SLC14A2: variants seen among roughly 807,000 people sequenced by gnomAD.
SLC14A2 encodes the protein urea transporter 2.
SLC14A2 carries 91 observed loss-of-function variants against 104.6 expected under a neutral mutation model. That is an observed-to-expected ratio of 0.87 (90% CI 0.73 to 1.04). The LOEUF (loss-of-function observed/expected upper bound fraction) is 1.04. SLC14A2 is among the 50% of genes least tolerant of loss of function. The probability of loss-of-function intolerance (pLI) is 0.00; values close to 1 mark genes in which losing one functional copy is unlikely to be tolerated. For synonymous variants in SLC14A2, 476 were observed against 466.4 expected, an observed-to-expected ratio of 1.02 and a Z score of -0.27; for missense variants, 1,189 against 1,156.0, an observed-to-expected ratio of 1.03 and a Z score of -0.41.
rs539602928 is a variant in SLC14A2 at position 45,593,445 on chromosome 18, G to A, written c.-34-31186G>A. Among the ~76,000 whole-genome samples, 3 of 147,418 alleles carry A rather than the reference G, an allele frequency of 2.0e-5. No individual in the cohort carries two copies. In the South Asian group the frequency reaches 6.5e-4, roughly 32 times the overall value. Reference sequence around the variant, plus strand: ...AATATTAATAATAGTGAAATCCCAAGAATGACATTCTGAGATATGATAACT... The same window carrying A: ...AATATTAATAATAGTGAAATCCCAAAAATGACATTCTGAGATATGATAACT... On this transcript the variant is annotated intron_variant, in intron 2 of 20. Transcript: ENST00000586448.
intron 1 of SLC14A2, among the ~76,000 whole-genome samples, chr18:45,466,221 C>T (rs1396649250): frequency 2.0e-5 from 3 of 151,974 alleles, no homozygotes; most frequent in African/African-American, 7.3e-5. Context: ...TGGACATCCA[C>T]TTTGTGTGAG....
intron 1 of SLC14A2, among the ~76,000 whole-genome samples, chr18:45,290,079 T>C (rs1422311632): frequency 6.6e-6 from 1 of 151,742 alleles, no homozygotes; most frequent in East Asian, 1.9e-4. Context: ...TTCATTGCAC[T>C]GTTTTTTTGT....
At chr18:45,589,084 A>G (rs2044611207) in intron 2 of SLC14A2, among the ~76,000 whole-genome samples, 1 of 152,214 alleles carries the variant, frequency 6.6e-6, no homozygotes, top group East Asian at 1.9e-4. Context: ...GGGAAACCCA[A>G]ACTCCACTCA....
chr18:45,361,145 T>C (rs769837452), intron 1 of SLC14A2, among the ~76,000 whole-genome samples: 9 of 152,188 alleles, frequency 5.9e-5, no homozygotes, highest in African/African-American at 9.7e-5. Flanking sequence ...TGATAGCATT[T>C]TGTGTCCCTC....
chr18:45,546,502 A>G (rs569965577), intron 2 of SLC14A2, among the ~76,000 whole-genome samples: 1 of 152,356 alleles, frequency 6.6e-6, no homozygotes, highest in South Asian at 2.1e-4. Context: ...TGTTTCTAAC[A>G]CAGACCCTAT....
intron 12 of SLC14A2, 23 bp downstream of exon 12, chr18:45,666,242 C>G (rs1234278198): frequency 6.6e-7 from 1 of 1,515,716 alleles, no homozygotes. Flanking sequence ...TGTCCTGAAT[C>G]AGGGACAGCG....
chr18:45,272,847 T>C (rs1456285875), intron 1 of SLC14A2, among the ~76,000 whole-genome samples: 1 of 152,126 alleles, frequency 6.6e-6, no homozygotes, highest in African/African-American at 2.4e-5. Context: ...TGCATGCCTG[T>C]ATCAAAATAT....
At chr18:45,425,129 G>A (rs2086406620) in intron 1 of SLC14A2, among the ~76,000 whole-genome samples, 1 of 152,128 alleles carries the variant, frequency 6.6e-6, no homozygotes, top group African/African-American at 2.4e-5. Flanking sequence ...GATTTTCAAG[G>A]CACGAATAAA....
intron 1 of SLC14A2, among the ~76,000 whole-genome samples, chr18:45,320,951 G>A (rs1280628734): frequency 6.6e-6 from 1 of 152,160 alleles, no homozygotes; most frequent in African/African-American, 2.4e-5. Context: ...CTTGAACCGA[G>A]TGGAAACTAT....
intron 4 of SLC14A2, among the ~76,000 whole-genome samples, chr18:45,631,535 G>A (rs2045346012): frequency 6.6e-6 from 1 of 152,240 alleles, no homozygotes; most frequent in African/African-American, 2.4e-5. Flanking sequence ...CCTCACCAAG[G>A]GGCACCTGGG....
At chr18:45,372,862 A>G (rs969870409) in intron 1 of SLC14A2, among the ~76,000 whole-genome samples, 1 of 152,276 alleles carries the variant, frequency 6.6e-6, no homozygotes, top group Admixed American at 6.5e-5. Flanking sequence ...TAATATGTAT[A>G]TAATGTTATT....
intron 10 of SLC14A2, among the ~76,000 whole-genome samples, chr18:45,644,891 C>T (rs1329820914): frequency 3.3e-5 from 5 of 152,076 alleles, no homozygotes; most frequent in Non-Finnish European, 7.4e-5. Flanking sequence ...GATACATGTG[C>T]AGAACATGCA....
At chr18:45,252,368 T>C (rs2084432184) in intron 1 of SLC14A2, among the ~76,000 whole-genome samples, 1 of 152,228 alleles carries the variant, frequency 6.6e-6, no homozygotes, top group Non-Finnish European at 1.5e-5. Context: ...TTTTTGCATT[T>C]TGCCACCAGC....
intron 2 of SLC14A2, among the ~76,000 whole-genome samples, chr18:45,558,870 A>T (rs1010185060): frequency 5.5e-4 from 83 of 152,182 alleles, no homozygotes; most frequent in African/African-American, 1.9e-3. Flanking sequence ...GGCTCACTGC[A>T]ATCTCCGCCT....
intron 1 of SLC14A2, among the ~76,000 whole-genome samples, chr18:45,304,998 G>A (rs979497099): frequency 6.8e-6 from 1 of 147,610 alleles, no homozygotes; most frequent in African/African-American, 2.5e-5. Context: ...GTGTTGGAGA[G>A]GCAGAAACTA....
chr18:45,583,402 A>AT (rs1466241303), intron 2 of SLC14A2, among the ~76,000 whole-genome samples: 1 of 152,122 alleles, frequency 6.6e-6, no homozygotes, highest in Non-Finnish European at 1.5e-5. Context: ...ACTGGGTTTC[A>AT]TTTTTATCTT....
chr18:45,475,153 A>T (rs1446193031), intron 1 of SLC14A2, among the ~76,000 whole-genome samples: 2 of 152,162 alleles, frequency 1.3e-5, no homozygotes, highest in African/African-American at 4.8e-5. Flanking sequence ...TTCATTCAGG[A>T]GCAGGTTGTT....
chr18:45,667,966 A>G lies in SLC14A2; in HGVS notation c.1851A>G (p.Ser617=). Residue 617 remains serine, a synonymous_variant, in exon 14 of 20, where the codon TCA becomes TCG. Transcript: ENST00000255226. ...LFIQNPWWAI[S]GCLGTIMSTL... is the part of the protein sequence containing the mutation. ...TCCAGAACCCCTGGTGGGCGATCTC[A>G]GGCTGCCTGGGTACCATCATGTCCA... 3 of 1,614,102 alleles carry G rather than the reference A, an allele frequency of 1.9e-6. No homozygotes were observed. Among genetic ancestry groups the G allele is most frequent in the Non-Finnish European group, 2.5e-6 (3 of 1,180,000 alleles).
intron 1 of SLC14A2, among the ~76,000 whole-genome samples, chr18:45,227,286 T>C (rs2084129029): frequency 6.6e-6 from 1 of 152,126 alleles, no homozygotes; most frequent in South Asian, 2.1e-4. Context: ...GAGCTGGGCA[T>C]TGGATGGTCA....
Sources: allele counts gnomAD v4.1 joint callset (sites outside exome capture counted in the v4.1 genomes callset), GRCh38; gene constraint gnomAD v4.1.1; transcripts MANE v1.5; gene names NCBI Gene and HGNC (gene_info 2026-07-23, HGNC 2026-07-21).